FBXL13: variants seen among roughly 807,000 people sequenced by gnomAD.
The protein encoded by FBXL13 is F-box and leucine-rich repeat protein 13.
A neutral mutation model predicts 83.6 loss-of-function variants in FBXL13; 67 were observed. That is an observed-to-expected ratio of 0.80 (90% CI 0.66 to 0.98). The LOEUF is 0.98. FBXL13 is among the 50% of genes least tolerant of loss of function. FBXL13 has a pLI of 0.00. For missense variants in FBXL13, 822 were observed against 866.5 expected (o/e 0.95, Z 0.64); for synonymous variants, 272 against 299.5 (o/e 0.91, Z 0.95).
intron 6 of FBXL13, among the ~76,000 whole-genome samples, chr7:102,996,471 A>G (rs1334084903): frequency 6.6e-6 from 1 of 152,204 alleles, no homozygotes; most frequent in Non-Finnish European, 1.5e-5. Context: ...AACCTAAACA[A>G]CATCTTTTCT....
At chr7:103,060,014 G>GCT (rs1341378036) in intron 1 of FBXL13, among the ~76,000 whole-genome samples, 52 of 52,842 alleles carry the variant, frequency 9.8e-4, no homozygotes, top group South Asian at 2.2e-3. Context: ...ATGATAGCAA[G>GCT]ATATTTTATA....
At chr7:102,908,068 A>G (rs1398114638) in intron 11 of FBXL13, among the ~76,000 whole-genome samples, 1 of 152,230 alleles carries the variant, frequency 6.6e-6, no homozygotes, top group Non-Finnish European at 1.5e-5. Flanking sequence ...TACTGGGTAT[A>G]TACCCAAATG....
At chr7:102,857,271 C>T (rs912941863) in intron 16 of FBXL13, among the ~76,000 whole-genome samples, 3 of 151,976 alleles carry the variant, frequency 2.0e-5, no homozygotes, top group Admixed American at 2.0e-4. Flanking sequence ...ACAAAGGAAA[C>T]AATAAACAAA....
At chr7:103,033,089 T>A (rs977788181) in intron 2 of FBXL13, among the ~76,000 whole-genome samples, 2 of 152,018 alleles carry the variant, frequency 1.3e-5, no homozygotes, top group African/African-American at 4.8e-5. Context: ...ACATACACAC[T>A]CACACACACA....
At chr7:103,051,544 T>C (rs887738238) in intron 2 of FBXL13, among the ~76,000 whole-genome samples, 1 of 152,200 alleles carries the variant, frequency 6.6e-6, no homozygotes, top group African/African-American at 2.4e-5. Flanking sequence ...CCTTGTTTGT[T>C]CAGTTCACTC....
chr7:103,023,021 A>G (rs1793391015), intron 6 of FBXL13, among the ~76,000 whole-genome samples: 1 of 152,246 alleles, frequency 6.6e-6, no homozygotes, highest in African/African-American at 2.4e-5. Context: ...TCATGCCTGT[A>G]ATCCCAGCAC....
At chr7:102,900,849 T>C (rs1812877812) in intron 11 of FBXL13, among the ~76,000 whole-genome samples, 1 of 152,206 alleles carries the variant, frequency 6.6e-6, no homozygotes, top group Non-Finnish European at 1.5e-5. Flanking sequence ...AAGGGATGAA[T>C]GAAAGAAACT....
exon 12 of FBXL13, chr7:102,884,255 T>C: frequency 1.2e-6 from 2 of 1,613,836 alleles, no homozygotes; most frequent in Non-Finnish European, 1.7e-6. Flanking sequence ...TCATTAATGG[T>C]AAGATGCATA....
intron 14 of FBXL13, among the ~76,000 whole-genome samples, chr7:102,880,962 C>T (rs1329532470): frequency 4.6e-5 from 7 of 152,166 alleles, no homozygotes; most frequent in Admixed American, 3.9e-4. Flanking sequence ...ATTCACTATT[C>T]ATCTCAAGGA....
chr7:102,997,856 T>G (rs921362307), intron 6 of FBXL13, among the ~76,000 whole-genome samples: 13 of 152,248 alleles, frequency 8.5e-5, no homozygotes, highest in African/African-American at 2.9e-4. Flanking sequence ...TCTTGGTCAT[T>G]GTAAATAGTG....
chr7:102,878,356 C>A, exon 15 of FBXL13: 1 of 1,606,928 alleles, frequency 6.2e-7, no homozygotes, highest in Non-Finnish European at 8.5e-7. Context: ...ATAACAGAGG[C>A]ATCACTTAGC....
At chr7:102,902,995 A>C (rs530276470) in intron 11 of FBXL13, among the ~76,000 whole-genome samples, 1 of 152,076 alleles carries the variant, frequency 6.6e-6, no homozygotes, top group East Asian at 1.9e-4. Context: ...ATTTCATTGA[A>C]TCTGTAGATT....
At chr7:103,065,000 A>G (rs1798256410) in intron 1 of FBXL13, among the ~76,000 whole-genome samples, 1 of 152,200 alleles carries the variant, frequency 6.6e-6, no homozygotes, top group Non-Finnish European at 1.5e-5. Context: ...ACCTTGCCAA[A>G]ATTTCAAATT....
chr7:102,942,922 GCTGGTCCATATCAA>G (rs1554471294), intron 8 of FBXL13, among the ~76,000 whole-genome samples: 1 of 152,126 alleles, frequency 6.6e-6, no homozygotes, highest in Non-Finnish European at 1.5e-5. Context: ...GGAGTATCTG[GCTGGTCCATATCAA>G]CTGGAATACA....
chr7:103,062,652 G>T (rs1585624776), intron 1 of FBXL13, among the ~76,000 whole-genome samples: 1 of 150,856 alleles, frequency 6.6e-6, no homozygotes, highest in Non-Finnish European at 1.5e-5. Context: ...GAATCTTAAT[G>T]ATGAAATGTA....
chr7:102,915,219 G>C (rs1815611751), intron 10 of FBXL13, among the ~76,000 whole-genome samples: 1 of 149,338 alleles, frequency 6.7e-6, no homozygotes, highest in Admixed American at 6.7e-5. Context: ...AATCTGGTCT[G>C]CTTGTTCCCT....
intron 17 of FBXL13, among the ~76,000 whole-genome samples, chr7:102,841,578 C>A (rs1049615843): frequency 6.6e-6 from 1 of 152,190 alleles, no homozygotes; most frequent in African/African-American, 2.4e-5. Context: ...TGGAACCTTA[C>A]AGACAATGGG....
At chr7:102,834,394 A>T (rs199793432) in intron 17 of FBXL13, among the ~76,000 whole-genome samples, 4,411 of 146,366 alleles carry the variant, frequency 0.03, 177 homozygotes, top group East Asian at 0.15. Flanking sequence ...ATATATATAT[A>T]TTATATGCGA....
At chr7:103,035,399 A>G (rs896840651) in intron 2 of FBXL13, among the ~76,000 whole-genome samples, 8 of 152,246 alleles carry the variant, frequency 5.3e-5, no homozygotes, top group Non-Finnish European at 1.0e-4. Flanking sequence ...GAAATCTGGG[A>G]TATTCCTATT....
Sources: gnomAD v4.1 joint callset for allele counts (sites outside exome capture counted in the v4.1 genomes callset) on GRCh38, gnomAD v4.1.1 for gene constraint, MANE v1.5 for transcripts, NCBI Gene and HGNC (gene_info 2026-07-23, HGNC 2026-07-21) for gene names.